Variants in EBF1 observed in about 807,000 individuals in gnomAD.
EBF1 encodes transcription factor COE1.
A neutral mutation model predicts 68.4 loss-of-function variants in EBF1; 10 were observed. That is an observed-to-expected ratio of 0.15 (90% CI 0.09 to 0.25). The LOEUF is 0.25. Ranked by LOEUF, EBF1 falls within the 10% of genes least tolerant of loss-of-function variation. The pLI, the probability that EBF1 is intolerant of heterozygous loss-of-function variation, is 1.00. For synonymous variants in EBF1, 298 were observed against 299.8 expected, an observed-to-expected ratio of 0.99 and a Z score of 0.06; for missense variants, 509 against 794.4, an observed-to-expected ratio of 0.64 and a Z score of 4.32.
intron 6 of EBF1, among the ~76,000 whole-genome samples, chr5:159,066,554 T>C (rs929500631): frequency 1.3e-5 from 2 of 151,994 alleles, no homozygotes; most frequent in African/African-American, 4.8e-5. Context: ...TGACACCCCC[T>C]GCCCCACCCA....
chr5:158,998,662 G>C (rs1384407563), intron 6 of EBF1, among the ~76,000 whole-genome samples: 1 of 152,068 alleles, frequency 6.6e-6, no homozygotes, highest in Non-Finnish European at 1.5e-5. Flanking sequence ...TCTTTAAATT[G>C]ACTAGCTATT....
intron 6 of EBF1, among the ~76,000 whole-genome samples, chr5:158,852,229 G>A (rs1035684584): frequency 1.3e-5 from 2 of 151,766 alleles, no homozygotes; most frequent in Admixed American, 1.3e-4. Flanking sequence ...CCCAAGGTGT[G>A]GGGGGTGGGG....
At chr5:159,043,993 A>C (rs1771792013) in intron 6 of EBF1, among the ~76,000 whole-genome samples, 1 of 152,240 alleles carries the variant, frequency 6.6e-6, no homozygotes, top group South Asian at 2.1e-4. Context: ...TCTCTGAATC[A>C]CAGAAAAATG....
intron 11 of EBF1, among the ~76,000 whole-genome samples, chr5:158,726,345 G>A (rs1363369988): frequency 6.6e-6 from 1 of 152,138 alleles, no homozygotes; most frequent in Admixed American, 6.5e-5. Flanking sequence ...AAATGCATTA[G>A]TTAGACACGG....
intron 10 of EBF1, among the ~76,000 whole-genome samples, chr5:158,771,279 T>C (rs1773824865): frequency 6.6e-6 from 1 of 152,156 alleles, no homozygotes; most frequent in Non-Finnish European, 1.5e-5. Context: ...TTGCATTACA[T>C]ACATTAACCC....
intron 9 of EBF1, among the ~76,000 whole-genome samples, chr5:158,783,273 T>C (rs1228406016): frequency 6.6e-6 from 1 of 152,176 alleles, no homozygotes; most frequent in African/African-American, 2.4e-5. Flanking sequence ...GAGAAAAATG[T>C]TATTTAAAAA....
rs559720708 is a variant in EBF1, at chr5:158,967,685, G to A, written c.554+105711C>T. Among the ~76,000 whole-genome samples, 205 of 152,308 alleles carry A rather than the reference G, an allele frequency of 1.3e-3. 2 individuals carry two copies. The highest frequency in any genetic ancestry group is 4.7e-3 in the African/African-American group (195 of 41,574). ...GCGTGAGGTGGTTTTGGGGAATGGGGAAGTGGGGAGGGATTTCCTGTTTCA... is the reference window on the plus strand; with the variant it reads ...GCGTGAGGTGGTTTTGGGGAATGGGAAAGTGGGGAGGGATTTCCTGTTTCA... On this transcript the variant is annotated intron_variant, in intron 6 of 15. Coordinates refer to ENST00000313708, the MANE Select transcript of EBF1 (RefSeq NM_024007.5).
At chr5:158,930,987 A>T (rs914664659) in intron 6 of EBF1, among the ~76,000 whole-genome samples, 5 of 152,178 alleles carry the variant, frequency 3.3e-5, no homozygotes, top group Non-Finnish European at 5.9e-5. Flanking sequence ...AGTGTTAGAC[A>T]TCTACATTTT....
chr5:158,840,180 A>C, intron 6 of EBF1, 70 bp from the exon 7 acceptor site: 1 of 1,174,594 alleles, frequency 8.5e-7, no homozygotes. Context: ...GAGGTAAGTC[A>C]CCCCTGGGTT....
At chr5:158,813,373 G>A (rs1056839122) in intron 8 of EBF1, among the ~76,000 whole-genome samples, 7 of 152,256 alleles carry the variant, frequency 4.6e-5, no homozygotes, top group South Asian at 2.1e-4. Flanking sequence ...CTATCAAGCC[G>A]CTTGTACACA....
chr5:158,710,876 T>G (rs1025861478), intron 14 of EBF1, among the ~76,000 whole-genome samples: 3 of 152,070 alleles, frequency 2.0e-5, no homozygotes, highest in Admixed American at 6.5e-5. Flanking sequence ...TATCTAAGAG[T>G]TTGGCCACAT....
At chr5:158,707,784 G>T (rs1368628592) in intron 15 of EBF1, 195 bp downstream of exon 15, 2 of 627,292 alleles carry the variant, frequency 3.2e-6, no homozygotes, top group Non-Finnish European at 5.3e-6. Flanking sequence ...CAGCAGAGGA[G>T]AGATGAGTAT....
intron 6 of EBF1, among the ~76,000 whole-genome samples, chr5:159,031,633 G>A (rs1222335133): frequency 6.6e-6 from 1 of 152,194 alleles, no homozygotes; most frequent in Non-Finnish European, 1.5e-5. Flanking sequence ...TTAAAATCAT[G>A]CATTCAGTCT....
At chr5:159,083,680 A>G (rs1780117221) in intron 5 of EBF1, among the ~76,000 whole-genome samples, 1 of 152,256 alleles carries the variant, frequency 6.6e-6, no homozygotes, top group African/African-American at 2.4e-5. Context: ...AGCAGCAAAT[A>G]AAGCCCATCC....
intron 10 of EBF1, among the ~76,000 whole-genome samples, chr5:158,761,040 A>G (rs1054371895): frequency 6.6e-6 from 1 of 152,216 alleles, no homozygotes; most frequent in Non-Finnish European, 1.5e-5. Context: ...TTGCAAAATA[A>G]AAGTGCAAAT....
chr5:158,705,129 C>T (rs1260460185), intron 15 of EBF1, among the ~76,000 whole-genome samples: 1 of 152,136 alleles, frequency 6.6e-6, no homozygotes, highest in Non-Finnish European at 1.5e-5. Flanking sequence ...CTACAGGCTG[C>T]ACCACCAGGC....
chr5:159,039,699 C>T (rs1770797022), intron 6 of EBF1, among the ~76,000 whole-genome samples: 1 of 152,044 alleles, frequency 6.6e-6, no homozygotes, highest in Admixed American at 6.6e-5. Flanking sequence ...AACTTAAAAC[C>T]AACACATACT....
chr5:158,994,900 T>C (rs1761101812), intron 6 of EBF1, among the ~76,000 whole-genome samples: 1 of 152,224 alleles, frequency 6.6e-6, no homozygotes, highest in African/African-American at 2.4e-5. Flanking sequence ...CAAAAATTTA[T>C]TCTGAATTTA....
At chr5:158,742,551 G>A (rs755384334) in intron 10 of EBF1, among the ~76,000 whole-genome samples, 1 of 152,178 alleles carries the variant, frequency 6.6e-6, no homozygotes, top group Admixed American at 6.5e-5. Flanking sequence ...GGACTAATTA[G>A]ACATATTTAC....
Sources: gnomAD v4.1 joint callset for allele counts (sites outside exome capture counted in the v4.1 genomes callset) on GRCh38, gnomAD v4.1.1 for gene constraint, MANE v1.5 for transcripts, NCBI Gene and HGNC (gene_info 2026-07-23, HGNC 2026-07-21) for gene names.